TRAK2: variants seen among roughly 807,000 people sequenced by gnomAD.
TRAK2 encodes trafficking kinesin-binding protein 2.
A neutral mutation model predicts 104.6 loss-of-function variants in TRAK2; 81 were observed. That is an observed-to-expected ratio of 0.77 (90% CI 0.65 to 0.93). TRAK2 has a LOEUF of 0.93. Ranked by LOEUF, TRAK2 falls within the 40% of genes least tolerant of loss-of-function variation. TRAK2 has a pLI of 0.00. For synonymous variants in TRAK2, 406 were observed against 394.4 expected (o/e 1.03, Z -0.35); for missense variants, 1,002 against 1,089.0 (o/e 0.92, Z 1.12).
intron 2 of TRAK2, among the ~76,000 whole-genome samples, chr2:201,409,382 T>C (rs1951624637): frequency 6.6e-6 from 1 of 152,154 alleles, no homozygotes; most frequent in Non-Finnish European, 1.5e-5. Context: ...AAATCTCCTT[T>C]TGAAAACACA....
chr2:201,394,930 C>T, intron 8 of TRAK2, 58 bp from the exon 9 acceptor site: 1 of 1,392,996 alleles, frequency 7.2e-7, no homozygotes, highest in Non-Finnish European at 1.0e-6. Context: ...TAGCTATTCT[C>T]TTTCTTATAA....
chr2:201,386,969 T>C (rs1215884749), intron 13 of TRAK2, among the ~76,000 whole-genome samples: 1 of 152,200 alleles, frequency 6.6e-6, no homozygotes, highest in Non-Finnish European at 1.5e-5. Flanking sequence ...TGGTGAATGA[T>C]CATCCCAAGT....
intron 3 of TRAK2, among the ~76,000 whole-genome samples, chr2:201,401,834 C>T (rs1284490113): frequency 6.6e-6 from 1 of 152,018 alleles, no homozygotes; most frequent in African/African-American, 2.4e-5. Flanking sequence ...TCCAGTCACA[C>T]TAAACAGTAT....
chr2:201,398,263 C>G lies in TRAK2; in HGVS notation c.572G>C (p.Cys191Ser). 1 of 1,613,738 alleles carries G rather than the reference C, an allele frequency of 6.2e-7. No homozygotes were observed. The highest frequency in any genetic ancestry group is 8.5e-7 in the Non-Finnish European group (1 of 1,179,738). The change falls in exon 6 of 16, where the codon TGT becomes TCT. Residue 191 changes from cysteine (C) to serine (S), a missense_variant. By Grantham distance (112) the Cys-to-Ser change is moderately radical (BLOSUM62 -1). Transcript: ENST00000332624. ...CTCATTGAACCGAAGAGGTGTAGAA[C>G]AGCTGGAATCAGTTTCACTTTCTTC... Reference protein sequence around the residue: ...ASEESETDSSCSTPLRFNESF... With the variant: ...ASEESETDSSSSTPLRFNESF...
chr2:201,388,099 T>A, intron 12 of TRAK2, 98 bp from the exon 13 acceptor site: 2 of 1,277,200 alleles, frequency 1.6e-6, no homozygotes, highest in Non-Finnish European at 2.3e-6. Context: ...AGACTGATAT[T>A]AAAAACATGA....
chr2:201,440,363 A>T (rs1384060857), intron 1 of TRAK2, among the ~76,000 whole-genome samples: 1 of 152,152 alleles, frequency 6.6e-6, no homozygotes, highest in Non-Finnish European at 1.5e-5. Context: ...GGTTATCAGA[A>T]CACCCATAAG....
Position 201,449,729 on chromosome 2 carries a change from C to T in TRAK2, c.-200+1621G>A, listed in dbSNP as rs532460861. On this transcript the variant is annotated intron_variant, in intron 1 of 15. Coordinates refer to ENST00000332624, the MANE Select transcript of TRAK2 (RefSeq NM_015049.3). ...GGGTGCAATCTTGGCTCACTGCAAC[C>T]TCTGCCTCCGGGTTCAAGCAATTCT... is the stretch of plus-strand genomic sequence containing the variant. 1.1e-4 allele frequency among the ~76,000 whole-genome samples: 16 copies of T among 151,968 alleles called. No homozygotes were observed. The South Asian group carries it at 3.3e-3, about 32-fold the overall frequency.
intron 1 of TRAK2, among the ~76,000 whole-genome samples, chr2:201,441,290 TGTCA>T (rs567521073): frequency 1.3e-5 from 2 of 152,324 alleles, no homozygotes; most frequent in South Asian, 4.1e-4. Context: ...AAGAACTAGT[TGTCA>T]GTCTCATAGG....
At chr2:201,418,858 T>C (rs1337172622) in intron 2 of TRAK2, among the ~76,000 whole-genome samples, 2 of 152,144 alleles carry the variant, frequency 1.3e-5, no homozygotes, top group African/African-American at 4.8e-5. Flanking sequence ...TGAATTATAG[T>C]AGCAAAAACT....
chr2:201,430,319 A>G (rs1197923885), intron 1 of TRAK2, among the ~76,000 whole-genome samples: 1 of 152,162 alleles, frequency 6.6e-6, no homozygotes, highest in Admixed American at 6.5e-5. Context: ...TCAGATCTCA[A>G]ACTCCGTGCT....
At chr2:201,438,620 A>AGT (rs1179072911) in intron 1 of TRAK2, among the ~76,000 whole-genome samples, 5 of 152,150 alleles carry the variant, frequency 3.3e-5, no homozygotes, top group African/African-American at 1.2e-4. Context: ...TGAGGATAGT[A>AGT]GTGTGTGTGT....
rs1951404305 is a variant in TRAK2, at chr2:201,387,728, T to C, written c.1671A>G (p.Lys557=). The C allele has an allele frequency of 8.1e-6, 13 of 1,608,506 alleles. No homozygotes were observed. In the East Asian group the frequency reaches 2.9e-4, roughly 36 times the overall value. Residue 557 remains lysine, a synonymous_variant, in exon 13 of 16, where the codon AAA becomes AAG. Coordinates refer to ENST00000332624, the MANE Select transcript of TRAK2 (RefSeq NM_015049.3). ...ASCLRGFMPE[K]LQIVKPLEGS... is the part of the protein sequence containing the mutation. Reference sequence around the variant, plus strand: ...CTTCAAGGGGCTTGACAATTTGTAATTTTTCTGGCATAAAACCTCGAAGGC... The same window carrying C: ...CTTCAAGGGGCTTGACAATTTGTAACTTTTCTGGCATAAAACCTCGAAGGC...
At chr2:201,426,189 G>A (rs1022683353) in intron 1 of TRAK2, among the ~76,000 whole-genome samples, 44 of 152,104 alleles carry the variant, frequency 2.9e-4, no homozygotes, top group African/African-American at 9.2e-4. Flanking sequence ...CCCATCACTC[G>A]CATTACTGCC....
chr2:201,430,535 C>T (rs1237086869), intron 1 of TRAK2, among the ~76,000 whole-genome samples: 1 of 152,220 alleles, frequency 6.6e-6, no homozygotes, highest in African/African-American at 2.4e-5. Context: ...ATGGCGGACG[C>T]CCCTCCCCCA....
Position 201,387,925 on chromosome 2 carries a change from G to A in TRAK2, c.1474C>T (p.Arg492Cys), listed in dbSNP as rs758212070. The change falls in exon 13 of 16, where the codon CGT (arginine) becomes TGT (cysteine). Residue 492 changes from arginine (R) to cysteine (C), a missense_variant. Arg to Cys is a radical substitution (Grantham distance 180). Transcript: ENST00000332624. ...LATALHRLSL[R>C]RQNYLSEKQF... ...TTCTCACTTAAATAGTTTTGTCGAC[G>A]CAAGCTAAGGCGATGCAGTGCTGTA... is the stretch of plus-strand genomic sequence containing the variant. 9 of 1,613,936 alleles carry A rather than the reference G, an allele frequency of 5.6e-6. No homozygotes were observed. Among genetic ancestry groups the A allele is most frequent in the Middle Eastern group, 1.6e-4 (1 of 6,082 alleles).
rs1488634743 is a variant in TRAK2, at chr2:201,420,444, T to G, written c.64A>C (p.Asn22His). The G allele has an allele frequency of 6.2e-7, 1 of 1,614,094 alleles. No homozygotes were observed. The highest frequency in any genetic ancestry group is 1.7e-5 in the Admixed American group (1 of 60,028). ...PTGEENLMNS[N>H]HRDSESITDV... is the part of the protein sequence containing the mutation. Reference sequence around the variant, plus strand: ...GTGATGCTCTCCGAGTCTCTGTGATTGCTATTCATGAGGTTTTCTTCACCT... The same window carrying G: ...GTGATGCTCTCCGAGTCTCTGTGATGGCTATTCATGAGGTTTTCTTCACCT... Residue 22 changes from asparagine to histidine, a missense_variant, in exon 2 of 16, where the codon AAT becomes CAT. Physicochemically the swap from Asn to His is moderately conservative, Grantham distance 68. Coordinates refer to ENST00000332624, the MANE Select transcript of TRAK2 (RefSeq NM_015049.3).
At chr2:201,395,982 G>T (rs1040329673) in intron 7 of TRAK2, among the ~76,000 whole-genome samples, 1 of 152,178 alleles carries the variant, frequency 6.6e-6, no homozygotes, top group Non-Finnish European at 1.5e-5. Context: ...CCCTTTCAGG[G>T]ATATGTGGCA....
intron 8 of TRAK2, 145 bp from the exon 9 acceptor site, chr2:201,395,017 T>C (rs545898454): frequency 4.1e-5 from 30 of 724,472 alleles, no homozygotes; most frequent in South Asian, 2.7e-4. Context: ...CTAAATAAGA[T>C]AGGCATTCGA....
In TRAK2 at chr2:201,380,719, T is replaced by C; in HGVS notation, c.2569A>G (p.Arg857Gly). 1 of 1,614,104 alleles carries C rather than the reference T, an allele frequency of 6.2e-7. No homozygotes were observed. The highest frequency in any genetic ancestry group is 1.7e-5 in the Admixed American group (1 of 59,986). Residue 857 changes from arginine (R) to glycine (G), a missense_variant, in exon 16 of 16, where the codon AGA (arginine) becomes GGA (glycine). Coordinates refer to ENST00000332624, the MANE Select transcript of TRAK2 (RefSeq NM_015049.3). ...GGACCAATTTCTGCCTCCTGGCATCTTCCATTCTCTTGGGCACCAGGGTTC... is the reference window on the plus strand; with the variant it reads ...GGACCAATTTCTGCCTCCTGGCATCCTCCATTCTCTTGGGCACCAGGGTTC... ...VKNPGAQENG[R>G]CQEAEIGPQK... is the part of the protein sequence containing the mutation.
Sources: allele counts gnomAD v4.1 joint callset (sites outside exome capture counted in the v4.1 genomes callset), GRCh38; gene constraint gnomAD v4.1.1; transcripts MANE v1.5; gene names NCBI Gene and HGNC (gene_info 2026-07-23, HGNC 2026-07-21).